Variants in PREX2 observed in about 807,000 individuals in gnomAD.
PREX2 encodes the protein phosphatidylinositol-3,4,5-trisphosphate dependent Rac exchange factor 2.
PREX2 carries 107 observed loss-of-function variants against 203.2 expected under a neutral mutation model. The ratio of observed to expected loss-of-function variants is 0.53; its 90% CI spans 0.45 to 0.62. PREX2 has a LOEUF of 0.62. PREX2 is among the 20% of genes least tolerant of loss of function. The probability of loss-of-function intolerance (pLI) is 0.00; values close to 1 mark genes in which losing one functional copy is unlikely to be tolerated. For missense variants in PREX2, 1,777 were observed against 1,955.9 expected (o/e 0.91, Z 1.72); for synonymous variants, 672 against 663.6 (o/e 1.01, Z -0.19).
At chr8:68,011,717 T>A (rs1374262896) in intron 1 of PREX2, among the ~76,000 whole-genome samples, 1 of 152,198 alleles carries the variant, frequency 6.6e-6, no homozygotes, top group African/African-American at 2.4e-5. Flanking sequence ...CTACCTCTAC[T>A]GTTTTTGACC....
intron 1 of PREX2, among the ~76,000 whole-genome samples, chr8:67,992,042 T>C (rs7016022): frequency 0.52 from 79,478 of 151,938 alleles, 20,954 homozygotes; most frequent in East Asian, 0.6. Flanking sequence ...GCCCAAGCAA[T>C]GCATTAAGTA....
At chr8:68,228,749 G>C (rs1460728616) in intron 39 of PREX2, among the ~76,000 whole-genome samples, 1 of 151,070 alleles carries the variant, frequency 6.6e-6, no homozygotes, top group East Asian at 2.0e-4. Flanking sequence ...CTGGACGACA[G>C]AGCGAGACTC....
chr8:68,163,951 A>T (rs574513951), intron 35 of PREX2, among the ~76,000 whole-genome samples: 55 of 152,310 alleles, frequency 3.6e-4, no homozygotes, highest in African/African-American at 1.3e-3. Context: ...CTCTCTTAGT[A>T]CAAAGTAATC....
intron 39 of PREX2, among the ~76,000 whole-genome samples, chr8:68,225,945 A>C (rs892531407): frequency 6.6e-6 from 1 of 152,172 alleles, no homozygotes; most frequent in African/African-American, 2.4e-5. Context: ...AACACTAATA[A>C]ACAGTGGGGT....
chr8:68,234,273 T>C lies in PREX2; in HGVS notation c.*2895T>C, dbSNP rs1267570152. 6.6e-6 allele frequency: 1 copy of C among 152,178 alleles called. No homozygotes were observed. Among genetic ancestry groups the C allele is most frequent in the African/African-American group, 2.4e-5 (1 of 41,440 alleles). The allele number at this position is 152,178 out of a possible 1,614,324, so 9.4% of individuals were successfully genotyped here. On this transcript the variant is annotated 3_prime_UTR_variant, in exon 40 of 40. Transcript: ENST00000288368. Reference sequence around the variant, plus strand: ...AGGTTTTAGGATGTGTTTACCTTAATGCTACATGCTCCTCTATAACCAGTG... The same window carrying C: ...AGGTTTTAGGATGTGTTTACCTTAACGCTACATGCTCCTCTATAACCAGTG...
chr8:68,205,975 C>T (rs1459485243), intron 37 of PREX2, among the ~76,000 whole-genome samples: 1 of 152,142 alleles, frequency 6.6e-6, no homozygotes, highest in East Asian at 1.9e-4. Flanking sequence ...TTTGGACCGC[C>T]TGAATTGATG....
At chr8:68,093,215 AC>A (rs1161304071) in intron 20 of PREX2, among the ~76,000 whole-genome samples, 1 of 151,802 alleles carries the variant, frequency 6.6e-6, no homozygotes, top group Non-Finnish European at 1.5e-5. Context: ...ACATGGAGAA[AC>A]CCTGTCTTTA....
intron 35 of PREX2, among the ~76,000 whole-genome samples, chr8:68,167,823 A>G (rs913526694): frequency 2.0e-5 from 3 of 152,216 alleles, no homozygotes; most frequent in Non-Finnish European, 4.4e-5. Context: ...AATTTTAGAA[A>G]GCTTCTTAGG....
rs1813248196 is a variant in PREX2 at position 68,235,452 on chromosome 8, A to G, written c.*4074A>G. On this transcript the variant is annotated 3_prime_UTR_variant, in exon 40 of 40. Transcript: ENST00000288368. ...CATAGCAGTAATTTCATTAACACATATATATACTAACCAATTTGCTAAATG... is the reference window on the plus strand; with the variant it reads ...CATAGCAGTAATTTCATTAACACATGTATATACTAACCAATTTGCTAAATG... 6.6e-6 allele frequency: 1 copy of G among 152,186 alleles called. No individual in the cohort carries two copies. The highest frequency in any genetic ancestry group is 1.5e-5 in the Non-Finnish European group (1 of 68,018). The allele number at this position is 152,186 out of a possible 1,614,324, so 9.4% of individuals were successfully genotyped here.
intron 14 of PREX2, among the ~76,000 whole-genome samples, chr8:68,074,277 T>A (rs1809283046): frequency 6.6e-6 from 1 of 152,120 alleles, no homozygotes; most frequent in Non-Finnish European, 1.5e-5. Flanking sequence ...AATTTTTTTT[T>A]CTTCAGTTTT....
At chr8:68,170,434 G>C (rs1045728914) in intron 35 of PREX2, among the ~76,000 whole-genome samples, 4 of 152,202 alleles carry the variant, frequency 2.6e-5, no homozygotes, top group South Asian at 2.1e-4. Context: ...ATTTTCCCCC[G>C]GTCTCCTGTG....
rs1207209711 is a variant in PREX2, at chr8:68,228,964, A to AG, written c.4776-2369_4776-2368insG. On this transcript the variant is annotated intron_variant, in intron 39 of 39. Coordinates refer to ENST00000288368, the MANE Select transcript of PREX2 (RefSeq NM_024870.4). ...CTCTTTAAAAAAAAAAAAAAAAAAAAAAAGAAAGAAAAAAATGGCTATGTG... is the reference window on the plus strand; with the variant it reads ...CTCTTTAAAAAAAAAAAAAAAAAAAAGAAAGAAAGAAAAAAATGGCTATGTG... Among the ~76,000 whole-genome samples the AG allele has an allele frequency of 4.8e-3, 585 of 121,068 alleles. 3 individuals carry two copies. The highest frequency in any genetic ancestry group is 7.1e-3 in the Non-Finnish European group (429 of 60,380). 79.4% of individuals were successfully genotyped at this position (121,068 alleles called of 152,430 possible).
chr8:68,121,081 T>C (rs563137707), intron 30 of PREX2, 32 bp downstream of exon 30: 2 of 1,606,182 alleles, frequency 1.2e-6, no homozygotes, highest in African/African-American at 2.7e-5. Context: ...CATTGCATGA[T>C]ATTAGCAATA....
chr8:68,104,321 A>G (rs1414808015), intron 23 of PREX2, among the ~76,000 whole-genome samples: 1 of 152,112 alleles, frequency 6.6e-6, no homozygotes, highest in African/African-American at 2.4e-5. Context: ...AATGGCCTTC[A>G]GGATCTGTGC....
At chr8:68,009,615 T>C (rs928007018) in intron 1 of PREX2, among the ~76,000 whole-genome samples, 2 of 152,246 alleles carry the variant, frequency 1.3e-5, no homozygotes, top group Admixed American at 6.5e-5. Context: ...AACATACTTT[T>C]ATATGAAATG....
At chr8:68,066,472 G>A (rs1809019849) in intron 11 of PREX2, among the ~76,000 whole-genome samples, 2 of 152,094 alleles carry the variant, frequency 1.3e-5, no homozygotes, top group South Asian at 4.1e-4. Flanking sequence ...GATTAGAGAT[G>A]TTGAACAACT....
chr8:68,029,403 C>T (rs1807817866), intron 5 of PREX2, among the ~76,000 whole-genome samples: 1 of 152,118 alleles, frequency 6.6e-6, no homozygotes, highest in Non-Finnish European at 1.5e-5. Context: ...CTGCATGTCT[C>T]ACTTATGGAT....
intron 1 of PREX2, among the ~76,000 whole-genome samples, chr8:67,962,459 C>T (rs1241466254): frequency 1.3e-5 from 2 of 151,934 alleles, no homozygotes; most frequent in African/African-American, 4.8e-5. Flanking sequence ...AGTCCCGCAC[C>T]CACATACTCC....
intron 23 of PREX2, 156 bp from the exon 24 acceptor site, chr8:68,107,953 C>A (rs781776789): frequency 5.9e-5 from 35 of 592,716 alleles, no homozygotes; most frequent in Non-Finnish European, 8.8e-5. Flanking sequence ...TTTGAAATCA[C>A]AATGGAATTT....
Sources: allele counts gnomAD v4.1 joint callset (sites outside exome capture counted in the v4.1 genomes callset), GRCh38; gene constraint gnomAD v4.1.1; transcripts MANE v1.5; gene names NCBI Gene and HGNC (gene_info 2026-07-23, HGNC 2026-07-21).